PRAMEF17: variants seen among roughly 807,000 people sequenced by gnomAD.
PRAMEF17 encodes PRAME family member 17.
PRAMEF17 carries 48 observed loss-of-function variants against 36.8 expected under a neutral mutation model. The observed-to-expected ratio is 1.30, with a 90% confidence interval of 1.03 to 1.66. The LOEUF is 1.66. PRAMEF17 is among the 40% of genes most tolerant of loss of function. PRAMEF17 has a pLI of 0.00. For synonymous variants in PRAMEF17, 246 were observed against 220.4 expected (o/e 1.12, Z -1.03); for missense variants, 639 against 560.6 (o/e 1.14, Z -1.41).
chr1:13,392,435 G>T lies in PRAMEF17; in HGVS notation c.1358G>T (p.Gly453Val), dbSNP rs1287128655. ...AGGCAGCCCAAGAGGATCTTTTTTG[G>T]TCCCATCCCCTGCCCTTCCTGTGGC... ...EVRQPKRIFFGPIPCPSCGSW... is the reference protein window; with the variant it reads ...EVRQPKRIFFVPIPCPSCGSW... The change falls in exon 3 of 3, where the codon GGT becomes GTT. Residue 453 changes from glycine to valine, a missense_variant. Physicochemically the swap from Gly to Val is moderately radical, Grantham distance 109. Transcript: ENST00000376098. 4 of 1,611,938 alleles carry T rather than the reference G, an allele frequency of 2.5e-6. No individual in the cohort carries two copies. The highest frequency in any genetic ancestry group is 2.3e-4 in the Middle Eastern group (1 of 4,430).
In PRAMEF17 at chr1:13,390,920, G is replaced by A. The variant is rs1640872388; in HGVS notation, c.866+1G>A. ...AAGAGCACCTGGAGCACCTGCTCAG[G>A]TAAGAAAGGATGGTGAGCTTTCTCT... On this transcript the variant is annotated splice_donor_variant, in intron 2 of 2. Coordinates refer to ENST00000376098, the MANE Select transcript of PRAMEF17 (RefSeq NM_001099851.3). LOFTEE classifies it high-confidence loss of function. 5 of 1,611,994 alleles carry A rather than the reference G, an allele frequency of 3.1e-6. No homozygotes were observed. Among genetic ancestry groups the A allele is most frequent in the Non-Finnish European group, 4.2e-6 (5 of 1,179,862 alleles).
At chr1:13,389,969 G>C in intron 1 of PRAMEF17, 25 bp downstream of exon 1, 1 of 1,612,192 alleles carries the variant, frequency 6.2e-7, no homozygotes, top group South Asian at 1.1e-5. Context: ...GTGGCCTGGT[G>C]GGAAGGGTCC....
At position 13,392,330 on chromosome 1, in the gene PRAMEF17, G is replaced by T. The variant is rs540630583; in HGVS notation, c.1253G>T (p.Cys418Phe). Residue 418 changes from cysteine to phenylalanine, a missense_variant, in exon 3 of 3, where the codon TGT becomes TTT. Transcript: ENST00000376098. Reference sequence around the variant, plus strand: ...GAGTTGTATCCTGCCCCTCTGGAGTGTCTTGACAACAGGGGTCATGTCAAT... The same window carrying T: ...GAGTTGTATCCTGCCCCTCTGGAGTTTCTTGACAACAGGGGTCATGTCAAT... ...GLELYPAPLE[C>F]LDNRGHVNWE... The T allele has an allele frequency of 7.4e-6, 12 of 1,611,976 alleles. No individual in the cohort carries two copies. In the African/African-American group the frequency reaches 1.5e-4, roughly 20 times the overall value.
intron 2 of PRAMEF17, 138 bp downstream of exon 2, chr1:13,391,057 A>G (rs2100407194): frequency 7.5e-7 from 1 of 1,335,422 alleles, no homozygotes; most frequent in Non-Finnish European, 1.0e-6. Flanking sequence ...ATGTCAACTC[A>G]TTATGCTGTT....
rs1640871895 is a variant in PRAMEF17, at chr1:13,390,883, T to A, written c.830T>A (p.Ile277Asn). 2.5e-6 allele frequency: 4 copies of A among 1,611,874 alleles called. No individual in the cohort carries two copies. In the Admixed American group the frequency reaches 6.7e-5, roughly 27 times the overall value. Residue 277 changes from isoleucine (I) to asparagine (N), a missense_variant, in exon 2 of 3, where the codon ATC becomes AAC. Coordinates refer to ENST00000376098, the MANE Select transcript of PRAMEF17 (RefSeq NM_001099851.3). ...YYPQMLYIRK[I>N]SNIKEHLEHL... Reference sequence around the variant, plus strand: ...CCTCAGATGCTTTATATAAGAAAGATCAGTAATATCAAAGAGCACCTGGAG... The same window carrying A: ...CCTCAGATGCTTTATATAAGAAAGAACAGTAATATCAAAGAGCACCTGGAG...
rs1640854529 is a variant in PRAMEF17 at position 13,389,717 on chromosome 1, C to G, written c.60C>G (p.Asn20Lys). Residue 20 changes from asparagine to lysine, a missense_variant, in exon 1 of 3, where the codon AAC becomes AAG. Coordinates refer to ENST00000376098, the MANE Select transcript of PRAMEF17 (RefSeq NM_001099851.3). ...LELAGQSLLR[N>K]QFLTIFILDE... ...TGGCAGGCCAGAGCCTGCTGAGGAA[C>G]CAGTTCTTGACCATCTTCATCCTGG... The G allele has an allele frequency of 1.2e-6, 2 of 1,612,096 alleles. No individual in the cohort carries two copies. Among genetic ancestry groups the G allele is most frequent in the Admixed American group, 1.7e-5 (1 of 60,018 alleles).
chr1:13,390,568 A>G lies in PRAMEF17; in HGVS notation c.515A>G (p.His172Arg), dbSNP rs559265717. The G allele has an allele frequency of 8.8e-5, 142 of 1,612,028 alleles. No individual in the cohort carries two copies. Among genetic ancestry groups the G allele is most frequent in the Admixed American group, 7.3e-4 (44 of 60,008 alleles). ...ECLSYLCRWIHYRRGLVHLCC... is the reference protein window; with the variant it reads ...ECLSYLCRWIRYRRGLVHLCC... ...CTGAGCTACCTCTGCAGGTGGATCCACTACAGAAGAGGTCTAGTGCACCTG... is the reference window on the plus strand; with the variant it reads ...CTGAGCTACCTCTGCAGGTGGATCCGCTACAGAAGAGGTCTAGTGCACCTG... The change falls in exon 2 of 3, where the codon CAC becomes CGC. Residue 172 changes from histidine to arginine, a missense_variant. Coordinates refer to ENST00000376098, the MANE Select transcript of PRAMEF17 (RefSeq NM_001099851.3).
At chr1:13,390,038 TGGCTCAGA>T in intron 1 of PRAMEF17, 94 bp downstream of exon 1, 1 of 1,580,560 alleles carries the variant, frequency 6.3e-7, no homozygotes, top group Non-Finnish European at 8.6e-7. Flanking sequence ...GGAGCTAGGG[TGGCTCAGA>T]GGCTTCTGAT....
At chr1:13,391,330 AC>A (rs1313945800) in intron 2 of PRAMEF17, among the ~76,000 whole-genome samples, 1 of 152,186 alleles carries the variant, frequency 6.6e-6, no homozygotes, top group African/African-American at 2.4e-5. Flanking sequence ...CTCCGTCCTC[AC>A]AGCTTAGTAA....
chr1:13,392,307 G>C lies in PRAMEF17; in HGVS notation c.1230G>C (p.Glu410Asp), dbSNP rs774309248. 126 of 1,612,002 alleles carry C rather than the reference G, an allele frequency of 7.8e-5. No homozygotes were observed. Among genetic ancestry groups the C allele is most frequent in the East Asian group, 5.3e-4 (24 of 44,870 alleles). ...GTGGGCTGAGCAAGTTAGGTCTGGA[G>C]TTGTATCCTGCCCCTCTGGAGTGTC... ...HTGGLSKLGLELYPAPLECLD... is the reference protein window; with the variant it reads ...HTGGLSKLGLDLYPAPLECLD... Residue 410 changes from glutamate to aspartate, a missense_variant, in exon 3 of 3, where the codon GAG becomes GAC. By Grantham distance (45) the Glu-to-Asp change is conservative. Transcript: ENST00000376098.
At chr1:13,390,300 C>T (rs1363419782) in intron 1 of PRAMEF17, 41 bp from the exon 2 acceptor site, 1 of 1,611,740 alleles carries the variant, frequency 6.2e-7, no homozygotes, top group East Asian at 2.2e-5. Flanking sequence ...AGGGGTGGGT[C>T]TTTGCCTACA....
Position 13,389,942 on chromosome 1 carries a change from C to T in PRAMEF17, c.285C>T (p.Pro95=). ...LDTLLAQKLR[P]RRWKLQVLDL... Reference sequence around the variant, plus strand: ...CACTGCTGGCCCAGAAGCTTCGCCCCAGGTGAGGTGACTCAGGTGGCCTGG... The same window carrying T: ...CACTGCTGGCCCAGAAGCTTCGCCCTAGGTGAGGTGACTCAGGTGGCCTGG... Residue 95 remains proline, a splice_region_variant and synonymous_variant, in exon 1 of 3, where the codon CCC becomes CCT. Transcript: ENST00000376098. 3 of 1,612,478 alleles carry T rather than the reference C, an allele frequency of 1.9e-6. No homozygotes were observed. The highest frequency in any genetic ancestry group is 2.1e-4 in the Middle Eastern group (1 of 4,660).
At chr1:13,390,997 A>G (rs1364831372) in intron 2 of PRAMEF17, 78 bp downstream of exon 2, 31 of 1,589,392 alleles carry the variant, frequency 2.0e-5, no homozygotes, top group African/African-American at 5.4e-5. Context: ...GCTAGTGGGC[A>G]TCTACTGTGT....
In PRAMEF17 at chr1:13,390,596, T is replaced by C. The variant is rs572791245; in HGVS notation, c.543T>C (p.Cys181=). 2.8e-4 allele frequency: 446 copies of C among 1,611,770 alleles called. 1 individual carries two copies. The highest frequency in any genetic ancestry group is 4.8e-4 in the African/African-American group (36 of 74,964). Residue 181 remains cysteine (C), a synonymous_variant, in exon 2 of 3, where the codon TGT becomes TGC. Coordinates refer to ENST00000376098, the MANE Select transcript of PRAMEF17 (RefSeq NM_001099851.3). ...IHYRRGLVHL[C]CNKVQNYSMP... ...ACAGAAGAGGTCTAGTGCACCTGTG[T>C]TGTAATAAGGTGCAGAATTACTCAA...
Position 13,390,469 on chromosome 1 carries a change from C to T in PRAMEF17, c.416C>T (p.Pro139Leu), listed in dbSNP as rs1640864760. ...AAGAGGCAGACAGTGGAGGACTATCCAAGGACGGGAGAGCACCAGCCCTTG... is the reference window on the plus strand; with the variant it reads ...AAGAGGCAGACAGTGGAGGACTATCTAAGGACGGGAGAGCACCAGCCCTTG... ...MSKRQTVEDYPRTGEHQPLKV... is the reference protein window; with the variant it reads ...MSKRQTVEDYLRTGEHQPLKV... The change falls in exon 2 of 3, where the codon CCA (proline) becomes CTA (leucine). Residue 139 changes from proline (P) to leucine (L), a missense_variant. Coordinates refer to ENST00000376098, the MANE Select transcript of PRAMEF17 (RefSeq NM_001099851.3). The T allele has an allele frequency of 6.2e-7, 1 of 1,612,000 alleles. No homozygotes were observed. Among genetic ancestry groups the T allele is most frequent in the East Asian group, 2.2e-5 (1 of 44,866 alleles).
At chr1:13,390,963 C>T in intron 2 of PRAMEF17, 44 bp downstream of exon 2, 4 of 1,609,566 alleles carry the variant, frequency 2.5e-6, no homozygotes. Context: ...ATACCACAGA[C>T]TTTTGTTCTT....
At chr1:13,389,976 G>A in intron 1 of PRAMEF17, 32 bp downstream of exon 1, 2 of 1,612,166 alleles carry the variant, frequency 1.2e-6, no homozygotes, top group South Asian at 1.1e-5. Flanking sequence ...GGTGGGAAGG[G>A]TCCAGGCATC....
chr1:13,389,843 C>T lies in PRAMEF17; in HGVS notation c.186C>T (p.Leu62=). ...TGATGGTGCAGGCCTGGCCCTTCCT[C>T]CGCCTCCCTCTGGGATCCCTGATGA... is the stretch of plus-strand genomic sequence containing the variant. The part of the protein sequence containing the change: ...LKLMVQAWPF[L]RLPLGSLMKT... The change falls in exon 1 of 3, where the codon CTC becomes CTT. Residue 62 remains leucine, a synonymous_variant. Coordinates refer to ENST00000376098, the MANE Select transcript of PRAMEF17 (RefSeq NM_001099851.3). The T allele has an allele frequency of 1.2e-6, 2 of 1,613,656 alleles. No individual in the cohort carries two copies. The highest frequency in any genetic ancestry group is 1.7e-6 in the Non-Finnish European group (2 of 1,180,028).
At position 13,390,494 on chromosome 1, in the gene PRAMEF17, G is replaced by A. The variant is rs1640865245; in HGVS notation, c.441G>A (p.Leu147=). ...CAAGGACGGGAGAGCACCAGCCCTT[G>A]AAGGTGTTCATAGACCTCTGCCAAA... ...DYPRTGEHQP[L]KVFIDLCQKE... Residue 147 remains leucine (L), a synonymous_variant, in exon 2 of 3, where the codon TTG becomes TTA. Transcript: ENST00000376098. The A allele has an allele frequency of 6.2e-7, 1 of 1,611,904 alleles. No homozygotes were observed. Among genetic ancestry groups the A allele is most frequent in the Admixed American group, 1.7e-5 (1 of 59,996 alleles).
Sources: gnomAD v4.1 joint callset for allele counts (sites outside exome capture counted in the v4.1 genomes callset) on GRCh38, gnomAD v4.1.1 for gene constraint, MANE v1.5 for transcripts, NCBI Gene and HGNC (gene_info 2026-07-23, HGNC 2026-07-21) for gene names.